MAF: variants seen among roughly 807,000 people sequenced by gnomAD.
MAF encodes the protein MAF bZIP transcription factor.
A neutral mutation model predicts 22.0 loss-of-function variants in MAF; 10 were observed. The ratio of observed to expected loss-of-function variants is 0.45; its 90% confidence interval spans 0.28 to 0.77. The LOEUF (loss-of-function observed/expected upper bound fraction) is 0.77. Ranked by LOEUF, MAF falls within the 30% of genes least tolerant of loss-of-function variation. MAF has a pLI of 0.12. For missense variants in MAF, 544 were observed against 548.4 expected (o/e 0.99, Z 0.08); for synonymous variants, 337 against 255.8 (o/e 1.32, Z -3.03).
the MAF span, among the ~76,000 whole-genome samples, chr16:79,477,929 G>A: frequency 6.6e-6 from 1 of 151,700 alleles, no homozygotes; most frequent in African/African-American, 2.4e-5. Flanking sequence ...TCACTATGTT[G>A]GCCAGGCTGG....
the MAF span, among the ~76,000 whole-genome samples, chr16:79,404,189 G>A: frequency 7.4e-6 from 1 of 135,906 alleles, no homozygotes; most frequent in African/African-American, 3.1e-5. Flanking sequence ...TTTTCAGATG[G>A]AGTCTCATTC....
At chr16:79,371,167 G>A in the MAF span, among the ~76,000 whole-genome samples, 3 of 152,014 alleles carry the variant, frequency 2.0e-5, no homozygotes, top group Admixed American at 6.6e-5. Context: ...AGTGCCTGGA[G>A]GGCTGGGCCC....
At chr16:79,585,706 T>C, downstream of MAF, 1 of 551,846 alleles carries the variant, frequency 1.8e-6, no homozygotes, top group Non-Finnish European at 3.2e-6. Flanking sequence ...GTGTCACCAT[T>C]TACATGACAC....
At chr16:79,588,703 C>A (rs1913009137) in intron 1 of MAF, among the ~76,000 whole-genome samples, 1 of 152,088 alleles carries the variant, frequency 6.6e-6, no homozygotes, top group Non-Finnish European at 1.5e-5. Context: ...CTCAGGTGAT[C>A]CGCTCACCTG....
the MAF span, among the ~76,000 whole-genome samples, chr16:79,315,306 T>C: frequency 6.6e-5 from 10 of 152,266 alleles, no homozygotes; most frequent in African/African-American, 2.4e-4. Flanking sequence ...TAGGGGACTA[T>C]GAAATTGGGT....
At chr16:79,211,322 C>T in the MAF span, among the ~76,000 whole-genome samples, 2 of 152,284 alleles carry the variant, frequency 1.3e-5, no homozygotes, top group South Asian at 4.1e-4. Flanking sequence ...GAGGCGCCTG[C>T]CACGACGTAT....
At chr16:79,525,098 C>A in the MAF span, among the ~76,000 whole-genome samples, 1 of 152,174 alleles carries the variant, frequency 6.6e-6, no homozygotes, top group Non-Finnish European at 1.5e-5. Context: ...TGAAAATATA[C>A]CTTCCTTACG....
the MAF span, among the ~76,000 whole-genome samples, chr16:79,459,689 C>G: frequency 6.6e-6 from 1 of 151,900 alleles, no homozygotes; most frequent in African/African-American, 2.4e-5. Context: ...TCTCCTACCT[C>G]AGCCTCCCGA....
At chr16:79,376,473 T>C in the MAF span, among the ~76,000 whole-genome samples, 1 of 152,102 alleles carries the variant, frequency 6.6e-6, no homozygotes, top group African/African-American at 2.4e-5. Flanking sequence ...ATGTTTTTTG[T>C]TTTGTTTTGT....
Position 79,599,388 on chromosome 16 carries a change from G to C in MAF, c.515C>G (p.Ala172Gly). 1 of 1,026,280 alleles carries C rather than the reference G, an allele frequency of 9.7e-7. No individual in the cohort carries two copies. The highest frequency in any genetic ancestry group is 1.2e-6 in the Non-Finnish European group (1 of 858,630). The allele number at this position is 1,026,280 out of a possible 1,614,324, so 63.6% of individuals were successfully genotyped here. The part of the protein sequence containing the change: ...AVVSAVIAAA[A>G]AQSGAGPHYH... ...GTGCGGGCCCGCGCCGCTCTGCGCG[G>C]CGGCCGCGGCGATCACGGCGGACAC... The change falls in exon 1 of 2, where the codon GCC becomes GGC. Residue 172 changes from alanine to glycine, a missense_variant. Transcript: ENST00000326043.
the MAF span, among the ~76,000 whole-genome samples, chr16:79,379,390 T>G: frequency 2.0e-5 from 3 of 152,172 alleles, no homozygotes; most frequent in South Asian, 6.2e-4. Context: ...TGTTGTTGCA[T>G]GTATGCATGA....
chr16:79,281,694 G>A, the MAF span, among the ~76,000 whole-genome samples: 1 of 151,858 alleles, frequency 6.6e-6, no homozygotes, highest in Non-Finnish European at 1.5e-5. Flanking sequence ...GACTACAGGT[G>A]CACCACCACG....
the MAF span, among the ~76,000 whole-genome samples, chr16:79,481,717 C>G: frequency 6.6e-6 from 1 of 152,180 alleles, no homozygotes; most frequent in African/African-American, 2.4e-5. Context: ...CCCACCCATC[C>G]ATCCATCTAT....
chr16:79,265,177 A>C, the MAF span, among the ~76,000 whole-genome samples: 1 of 152,196 alleles, frequency 6.6e-6, no homozygotes. Flanking sequence ...AAGATCCATT[A>C]ATTTCATTGG....
At chr16:79,542,743 G>C in the MAF span, among the ~76,000 whole-genome samples, 2 of 152,150 alleles carry the variant, frequency 1.3e-5, no homozygotes, top group Non-Finnish European at 2.9e-5. Context: ...CTTCCCCTTT[G>C]GGACTCATAC....
At chr16:79,563,177 C>T in the MAF span, among the ~76,000 whole-genome samples, 1 of 152,142 alleles carries the variant, frequency 6.6e-6, no homozygotes, top group Non-Finnish European at 1.5e-5. Context: ...CAAAGCTAAA[C>T]CTCAATCTGG....
chr16:79,444,600 A>G, the MAF span, among the ~76,000 whole-genome samples: 1 of 152,226 alleles, frequency 6.6e-6, no homozygotes, highest in Non-Finnish European at 1.5e-5. Context: ...TCAGAGGATC[A>G]TTGTGAGAAG....
At chr16:79,425,121 A>C in the MAF span, among the ~76,000 whole-genome samples, 2 of 152,108 alleles carry the variant, frequency 1.3e-5, no homozygotes, top group Admixed American at 6.6e-5. Context: ...CATCGTATTA[A>C]TTATTCTGTT....
the MAF span, among the ~76,000 whole-genome samples, chr16:79,242,366 CAA>C: frequency 2.1e-5 from 2 of 97,080 alleles, no homozygotes; most frequent in African/African-American, 4.0e-5. Flanking sequence ...AAATGGGAAG[CAA>C]AAAAAAAAGA....
Sources: allele counts gnomAD v4.1 joint callset (sites outside exome capture counted in the v4.1 genomes callset), GRCh38; gene constraint gnomAD v4.1.1; transcripts MANE v1.5; gene names NCBI Gene and HGNC (gene_info 2026-07-23, HGNC 2026-07-21).